The following EPS15 variants were observed in gnomAD, a reference collection of about 807,000 sequenced individuals.
The protein encoded by EPS15 is epidermal growth factor receptor pathway substrate 15, also known as epidermal growth factor receptor substrate 15.
A neutral mutation model predicts 113.8 loss-of-function variants in EPS15; 72 were observed. The ratio of observed to expected loss-of-function variants is 0.63; its 90% CI spans 0.52 to 0.77. EPS15 has a LOEUF of 0.77. Ranked by LOEUF, EPS15 falls within the 30% of genes least tolerant of loss-of-function variation. The pLI is 0.00. For missense variants in EPS15, 1,048 were observed against 1,045.8 expected (o/e 1.00, Z -0.03); for synonymous variants, 344 against 363.4 (o/e 0.95, Z 0.61).
chr1:51,465,236 G>A (rs200755882), intron 6 of EPS15, 25 bp downstream of exon 6: 2 of 1,497,532 alleles, frequency 1.3e-6, no homozygotes, highest in East Asian at 2.3e-5. Flanking sequence ...GAAGGGGTGA[G>A]AGAATAGTTA....
At chr1:51,405,503 C>T (rs902684041) in intron 16 of EPS15, among the ~76,000 whole-genome samples, 2 of 152,112 alleles carry the variant, frequency 1.3e-5, no homozygotes, top group Non-Finnish European at 2.9e-5. Context: ...TCGAAACCAG[C>T]CTGGCCAACA....
intron 1 of EPS15, among the ~76,000 whole-genome samples, chr1:51,513,212 A>G (rs1226465277): frequency 2.6e-5 from 4 of 152,190 alleles, no homozygotes; most frequent in African/African-American, 9.7e-5. Flanking sequence ...ATATGCTCAC[A>G]CATGTGCACA....
At chr1:51,508,186 G>GAGAAAAGAAA (rs763482561) in intron 1 of EPS15, among the ~76,000 whole-genome samples, 5,617 of 81,018 alleles carry the variant, frequency 0.069, 350 homozygotes, top group South Asian at 0.12. Flanking sequence ...GTCACAAAAA[G>GAGAAAAGAAA]AGAAAAGAAA....
chr1:51,401,664 T>C (rs187934462), intron 18 of EPS15, among the ~76,000 whole-genome samples: 74 of 152,302 alleles, frequency 4.9e-4, no homozygotes, highest in African/African-American at 1.7e-3. Flanking sequence ...GATACACAAA[T>C]GGCTAATAAG....
intron 17 of EPS15, 84 bp downstream of exon 17, chr1:51,403,335 C>A (rs1309387064): frequency 2.9e-6 from 2 of 699,118 alleles, no homozygotes; most frequent in Non-Finnish European, 5.0e-6. Flanking sequence ...TATATTGTAC[C>A]CATTAAGTAA....
At chr1:51,493,385 C>A (rs576104982) in intron 1 of EPS15, among the ~76,000 whole-genome samples, 11 of 148,346 alleles carry the variant, frequency 7.4e-5, no homozygotes, top group Non-Finnish European at 1.5e-4. Context: ...ATTAGCCAGG[C>A]GTGGTGGTGG....
At chr1:51,490,562 C>T (rs1644213887) in intron 1 of EPS15, among the ~76,000 whole-genome samples, 2 of 77,394 alleles carry the variant, frequency 2.6e-5, no homozygotes, top group Non-Finnish European at 4.6e-5. Flanking sequence ...GAGACTCCAT[C>T]TCAAAAAAAA....
intron 2 of EPS15, among the ~76,000 whole-genome samples, chr1:51,476,849 G>A (rs1437906079): frequency 1.3e-5 from 2 of 152,078 alleles, no homozygotes; most frequent in East Asian, 1.9e-4. Flanking sequence ...TGCTGGATTC[G>A]GTTTGCCAGT....
At chr1:51,469,864 A>G (rs1171966963) in intron 4 of EPS15, among the ~76,000 whole-genome samples, 1 of 151,740 alleles carries the variant, frequency 6.6e-6, no homozygotes, top group African/African-American at 2.4e-5. Flanking sequence ...CAAATAGAAT[A>G]GCCTTAAAAA....
intron 1 of EPS15, among the ~76,000 whole-genome samples, chr1:51,489,202 T>C (rs909179773): frequency 2.0e-5 from 3 of 151,038 alleles, no homozygotes; most frequent in African/African-American, 7.3e-5. Context: ...AATATGTTAT[T>C]ATAATTACAT....
At chr1:51,413,355 T>C (rs1240166968) in intron 13 of EPS15, among the ~76,000 whole-genome samples, 1 of 152,232 alleles carries the variant, frequency 6.6e-6, no homozygotes, top group Non-Finnish European at 1.5e-5. Context: ...TACAAACTTC[T>C]AAAGGACAGT....
intron 1 of EPS15, among the ~76,000 whole-genome samples, chr1:51,487,906 T>C (rs1644154738): frequency 6.6e-6 from 1 of 152,190 alleles, no homozygotes; most frequent in South Asian, 2.1e-4. Flanking sequence ...TTGGCTTTTG[T>C]TGTTATTGTC....
At chr1:51,484,633 TAC>T (rs1353050339) in intron 1 of EPS15, among the ~76,000 whole-genome samples, 1 of 152,212 alleles carries the variant, frequency 6.6e-6, no homozygotes, top group East Asian at 1.9e-4. Flanking sequence ...TCTGATTCTT[TAC>T]AGATTCAACA....
chr1:51,472,842 T>C lies in EPS15; in HGVS notation c.165+17A>G, dbSNP rs146532297. ...TCCTTACAAACTTATAATCTAGTTA[T>C]AATGAACGAATACTACCTTTCCAAG... On this transcript the variant is annotated intron_variant, in intron 3 of 24. Coordinates refer to ENST00000371733, the MANE Select transcript of EPS15 (RefSeq NM_001981.3). 1.8e-4 allele frequency: 277 copies of C among 1,575,566 alleles called. 1 individual carries two copies. The African/African-American group carries it at 3.4e-3, about 20-fold the overall frequency.
intron 1 of EPS15, among the ~76,000 whole-genome samples, chr1:51,515,486 A>C (rs1010331): frequency 0.29 from 44,466 of 151,364 alleles, 8,473 homozygotes; most frequent in African/African-American, 0.55. Context: ...CAAAACAAAA[A>C]AAAAAAAAAA....
At chr1:51,408,905 T>C (rs1649414398) in intron 14 of EPS15, among the ~76,000 whole-genome samples, 1 of 151,378 alleles carries the variant, frequency 6.6e-6, no homozygotes, top group Non-Finnish European at 1.5e-5. Flanking sequence ...GTTCACACCA[T>C]TCTCCTGGCT....
intron 21 of EPS15, among the ~76,000 whole-genome samples, chr1:51,383,566 G>A (rs1316258353): frequency 2.6e-5 from 4 of 152,186 alleles, no homozygotes; most frequent in African/African-American, 4.8e-5. Context: ...AAGCTCCTAT[G>A]AGAATCTAAT....
At chr1:51,382,992 A>T (rs1212671734) in intron 21 of EPS15, among the ~76,000 whole-genome samples, 3 of 152,222 alleles carry the variant, frequency 2.0e-5, no homozygotes, top group African/African-American at 7.2e-5. Context: ...AAAAATCCTC[A>T]ACAGAATTCA....
chr1:51,432,594 T>TC (rs386366940), intron 12 of EPS15, among the ~76,000 whole-genome samples: 1 of 152,080 alleles, frequency 6.6e-6, no homozygotes, highest in African/African-American at 2.4e-5. Flanking sequence ...TACATTTTTT[T>TC]TCATTCTAAA....
Sources: gnomAD v4.1 joint callset for allele counts (sites outside exome capture counted in the v4.1 genomes callset) on GRCh38, gnomAD v4.1.1 for gene constraint, MANE v1.5 for transcripts, NCBI Gene and HGNC (gene_info 2026-07-23, HGNC 2026-07-21) for gene names.